Variants in ERC1 observed in about 807,000 individuals in gnomAD.
ERC1 encodes the protein ELKS/RAB6-interacting/CAST family member 1.
In ERC1, 56 loss-of-function variants were observed where a neutral mutation model predicts 132.0. The observed-to-expected ratio is 0.42, with a 90% CI of 0.34 to 0.53. The LOEUF is 0.53. Among genes scored for constraint, ERC1 ranks in the 20% least tolerant of loss-of-function variants. The pLI is 0.03. For synonymous variants in ERC1, 478 were observed against 476.1 expected, an observed-to-expected ratio of 1.00 and a Z score of -0.05; for missense variants, 1,202 against 1,349.9, an observed-to-expected ratio of 0.89 and a Z score of 1.72.
intron 16 of ERC1, among the ~76,000 whole-genome samples, chr12:1,373,297 T>G (rs1171866929): frequency 6.6e-6 from 1 of 152,240 alleles, no homozygotes; most frequent in Non-Finnish European, 1.5e-5. Flanking sequence ...TGGGAGTTTA[T>G]ATATTCAGCA....
At chr12:1,138,428 G>A (rs1210034080) in intron 7 of ERC1, among the ~76,000 whole-genome samples, 1 of 145,134 alleles carries the variant, frequency 6.9e-6, no homozygotes, top group East Asian at 2.0e-4. Context: ...AGAAATATTG[G>A]TAAGTTCTGT....
intron 16 of ERC1, among the ~76,000 whole-genome samples, chr12:1,391,703 T>G (rs1343860523): frequency 6.6e-6 from 1 of 152,124 alleles, no homozygotes. Context: ...CTGACATGAG[T>G]GACAGTGGGA....
At chr12:1,274,012 C>T (rs913006490) in intron 14 of ERC1, among the ~76,000 whole-genome samples, 1 of 152,168 alleles carries the variant, frequency 6.6e-6, no homozygotes. Context: ...AGATCACTTT[C>T]AAGGGATATT....
intron 15 of ERC1, among the ~76,000 whole-genome samples, chr12:1,335,202 A>G (rs1555364820): frequency 6.6e-6 from 1 of 152,128 alleles, no homozygotes; most frequent in Non-Finnish European, 1.5e-5. Flanking sequence ...CTCTCTTCCC[A>G]TTTGGATACC....
chr12:1,448,768 G>GA (rs1373516885), intron 18 of ERC1, among the ~76,000 whole-genome samples: 2 of 152,246 alleles, frequency 1.3e-5, no homozygotes, highest in African/African-American at 2.4e-5. Context: ...TGCAGGGTCA[G>GA]AGCCCCTACA....
Position 1,293,406 on chromosome 12 carries a change from TCGTGC to T in ERC1, c.2780+3396_2780+3400del, listed in dbSNP as rs1166041930. Among the ~76,000 whole-genome samples the T allele has an allele frequency of 4.0e-5, 5 of 126,074 alleles. 1 individual carries two copies. The highest frequency in any genetic ancestry group is 1.5e-4 in the African/African-American group (5 of 34,352). 82.7% of individuals were successfully genotyped at this position (126,074 alleles called of 152,430 possible). Reference sequence around the variant, plus strand: ...AGGCGGAGCTTGCAGTGAGCTGAGATCGTGCCACTGCACTCCAGCCTGGGCGACAG... The same window carrying T: ...AGGCGGAGCTTGCAGTGAGCTGAGATCACTGCACTCCAGCCTGGGCGACAG... On this transcript the variant is annotated intron_variant, in intron 15 of 18. Transcript: ENST00000360905.
At chr12:1,183,939 G>C (rs957185928) in intron 11 of ERC1, among the ~76,000 whole-genome samples, 2 of 152,058 alleles carry the variant, frequency 1.3e-5, no homozygotes, top group Admixed American at 6.6e-5. Flanking sequence ...TTCGAGACCA[G>C]CTTGACCAAC....
At position 1,246,142 on chromosome 12, in the gene ERC1, C is replaced by T. The variant is rs927415530; in HGVS notation, c.2487+9238C>T. ...ATCTTTTGACCCAGCTATCCCATGT[C>T]GTAGATTTATATGCATATACATGTC... On this transcript the variant is annotated intron_variant, in intron 13 of 18. Transcript: ENST00000360905. 5.3e-5 allele frequency among the ~76,000 whole-genome samples: 8 copies of T among 151,838 alleles called. No homozygotes were observed. The East Asian group carries it at 9.7e-4, about 18-fold the overall frequency.
At chr12:1,479,713 C>CAG (rs148015275) in intron 18 of ERC1, among the ~76,000 whole-genome samples, 187 of 152,260 alleles carry the variant, frequency 1.2e-3, no homozygotes, top group African/African-American at 4.4e-3. Flanking sequence ...GGGTTGGAAA[C>CAG]AGAGTTCACT....
At chr12:1,433,934 A>T (rs2092876070) in intron 17 of ERC1, among the ~76,000 whole-genome samples, 1 of 149,462 alleles carries the variant, frequency 6.7e-6, no homozygotes, top group Non-Finnish European at 1.5e-5. Flanking sequence ...AGCTGTGATC[A>T]CACCACTGCA....
At chr12:1,220,401 G>A (rs982934740) in intron 12 of ERC1, among the ~76,000 whole-genome samples, 7 of 152,160 alleles carry the variant, frequency 4.6e-5, no homozygotes, top group African/African-American at 1.7e-4. Context: ...ATAGATGTGC[G>A]AGGGCTGGCT....
chr12:1,142,339 C>T (rs1391268899), intron 8 of ERC1, among the ~76,000 whole-genome samples: 1 of 152,060 alleles, frequency 6.6e-6, no homozygotes, highest in African/African-American at 2.4e-5. Context: ...ATTGTTGTTA[C>T]TAACAGCATT....
chr12:1,200,793 CG>C (rs1324249189), intron 12 of ERC1, among the ~76,000 whole-genome samples: 5 of 151,978 alleles, frequency 3.3e-5, no homozygotes, highest in Non-Finnish European at 5.9e-5. Flanking sequence ...CTCCTGACCT[CG>C]TGATCCGCCC....
intron 12 of ERC1, among the ~76,000 whole-genome samples, chr12:1,196,469 G>T (rs1956244897): frequency 6.6e-6 from 1 of 150,748 alleles, no homozygotes; most frequent in Non-Finnish European, 1.5e-5. Context: ...GGTTGGGGGG[G>T]TATGTGTTGG....
intron 7 of ERC1, among the ~76,000 whole-genome samples, chr12:1,138,939 G>A (rs1212060161): frequency 6.6e-6 from 1 of 152,194 alleles, no homozygotes; most frequent in African/African-American, 2.4e-5. Context: ...TCTTGGGCCT[G>A]CTATCTCCTC....
At chr12:1,151,914 C>T (rs996546562) in intron 8 of ERC1, 1 of 152,240 alleles carries the variant, frequency 6.6e-6, no homozygotes, top group Non-Finnish European at 1.5e-5. Context: ...AATAGCTCAG[C>T]AAGGCTGGGC....
At chr12:1,256,657 G>C (rs879880577) in intron 13 of ERC1, among the ~76,000 whole-genome samples, 1 of 150,672 alleles carries the variant, frequency 6.6e-6, no homozygotes, top group Non-Finnish European at 1.5e-5. Flanking sequence ...TTTTATTAGA[G>C]TTCAAATCAC....
chr12:1,143,528 A>G (rs1950055217), intron 8 of ERC1, among the ~76,000 whole-genome samples: 1 of 150,396 alleles, frequency 6.6e-6, no homozygotes, highest in Admixed American at 6.6e-5. Context: ...TGTTTTTGTG[A>G]TATATGTTAA....
At chr12:1,054,830 A>G (rs1972646941) in intron 2 of ERC1, among the ~76,000 whole-genome samples, 1 of 152,226 alleles carries the variant, frequency 6.6e-6, no homozygotes, top group Non-Finnish European at 1.5e-5. Context: ...AAGAAAGAGA[A>G]ATATGCATTT....
Sources: gnomAD v4.1 joint callset for allele counts (sites outside exome capture counted in the v4.1 genomes callset) on GRCh38, gnomAD v4.1.1 for gene constraint, MANE v1.5 for transcripts, NCBI Gene and HGNC (gene_info 2026-07-23, HGNC 2026-07-21) for gene names.